Variants in SIPA1L1 observed in about 807,000 individuals in gnomAD.
SIPA1L1 encodes the protein signal induced proliferation associated 1 like 1.
In SIPA1L1, 26 loss-of-function variants were observed where a neutral mutation model predicts 162.7. That is an observed-to-expected ratio of 0.16 (90% CI 0.12 to 0.22). The LOEUF (loss-of-function observed/expected upper bound fraction) is 0.22. Ranked by LOEUF, SIPA1L1 falls within the 10% of genes least tolerant of loss-of-function variation. The probability of loss-of-function intolerance (pLI) is 1.00; values close to 1 mark genes in which losing one functional copy is unlikely to be tolerated. For synonymous variants in SIPA1L1, 829 were observed against 837.4 expected (o/e 0.99, Z 0.17); for missense variants, 1,874 against 2,241.0 (o/e 0.84, Z 3.31).
chr14:71,534,723 C>G (rs2053742343), intron 4 of SIPA1L1, among the ~76,000 whole-genome samples: 1 of 152,160 alleles, frequency 6.6e-6, no homozygotes, highest in Non-Finnish European at 1.5e-5. Flanking sequence ...ATTTGGCTCC[C>G]TCCCTAAATT....
At chr14:71,623,055 C>A (rs2039612646) in intron 6 of SIPA1L1, among the ~76,000 whole-genome samples, 1 of 152,210 alleles carries the variant, frequency 6.6e-6, no homozygotes, top group South Asian at 2.1e-4. Flanking sequence ...TAAAACCCCT[C>A]CTTTCAGTGG....
intron 4 of SIPA1L1, among the ~76,000 whole-genome samples, chr14:71,529,993 G>T (rs919845547): frequency 2.0e-5 from 3 of 152,196 alleles, no homozygotes; most frequent in African/African-American, 7.2e-5. Context: ...CACACAGGGT[G>T]GAGGACGGAG....
intron 3 of SIPA1L1, among the ~76,000 whole-genome samples, chr14:71,525,362 T>A (rs906138956): frequency 6.6e-6 from 1 of 152,142 alleles, no homozygotes; most frequent in Non-Finnish European, 1.5e-5. Context: ...TTTGTGTGTT[T>A]TTAATAGAGA....
chr14:71,513,030 A>G (rs1377360746), intron 3 of SIPA1L1, among the ~76,000 whole-genome samples, 185 bp downstream of exon 3: 2 of 152,252 alleles, frequency 1.3e-5, no homozygotes, highest in South Asian at 2.1e-4. Context: ...TATACCTCAC[A>G]TATACTGACT....
At chr14:71,687,578 G>A (rs2080961386) in intron 13 of SIPA1L1, among the ~76,000 whole-genome samples, 1 of 152,162 alleles carries the variant, frequency 6.6e-6, no homozygotes, top group African/African-American at 2.4e-5. Flanking sequence ...TTCTGCAACA[G>A]AAACTAAAGC....
intron 2 of SIPA1L1, among the ~76,000 whole-genome samples, chr14:71,444,554 T>C (rs563326014): frequency 6.6e-6 from 1 of 152,182 alleles, no homozygotes; most frequent in African/African-American, 2.4e-5. Context: ...GTTCCCAGAT[T>C]GGCATTTCTT....
At chr14:71,594,015 G>T (rs2035738251) in intron 5 of SIPA1L1, among the ~76,000 whole-genome samples, 1 of 152,094 alleles carries the variant, frequency 6.6e-6, no homozygotes, top group South Asian at 2.1e-4. Flanking sequence ...AATATTCTTT[G>T]GATAACTGTA....
chr14:71,353,325 A>G (rs565347138), intron 2 of SIPA1L1, among the ~76,000 whole-genome samples: 1 of 152,338 alleles, frequency 6.6e-6, no homozygotes, highest in African/African-American at 2.4e-5. Flanking sequence ...AAGTAAGGTC[A>G]CTAATCATAC....
intron 10 of SIPA1L1, among the ~76,000 whole-genome samples, chr14:71,669,669 A>G (rs1032782223): frequency 6.6e-6 from 1 of 152,182 alleles, no homozygotes; most frequent in African/African-American, 2.4e-5. Context: ...ATATTGGTAT[A>G]ATTAAGCCAT....
At chr14:71,408,727 A>C (rs1046621875) in intron 2 of SIPA1L1, among the ~76,000 whole-genome samples, 1 of 152,182 alleles carries the variant, frequency 6.6e-6, no homozygotes, top group South Asian at 2.1e-4. Context: ...GTACAGTAGG[A>C]ATCTCTTCCT....
chr14:71,588,796 G>C lies in SIPA1L1; in HGVS notation c.924G>C (p.Gly308=). 6.2e-7 allele frequency: 1 copy of C among 1,614,102 alleles called. No homozygotes were observed. The highest frequency in any genetic ancestry group is 8.5e-7 in the Non-Finnish European group (1 of 1,179,984). ...KLRNAKGEEL[G]KSSDLEDNRS... ...GCAATGCCAAAGGTGAAGAACTTGG[G>C]AAGTCATCAGATCTTGAAGATAACC... is the stretch of plus-strand genomic sequence containing the variant. The change falls in exon 5 of 24, where the codon GGG becomes GGC. Residue 308 remains glycine, a synonymous_variant. Transcript: ENST00000381232. The surrounding 1 kb of genome is among the most constrained non-coding windows in gnomAD (Gnocchi z 4.3).
At chr14:71,706,600 A>G (rs2082454713) in intron 16 of SIPA1L1, among the ~76,000 whole-genome samples, 1 of 152,338 alleles carries the variant, frequency 6.6e-6, no homozygotes. Context: ...GTCTGGAGCT[A>G]AAGAAGTTCT....
intron 5 of SIPA1L1, among the ~76,000 whole-genome samples, chr14:71,617,800 A>G (rs1376778285): frequency 6.6e-6 from 1 of 152,242 alleles, no homozygotes; most frequent in African/African-American, 2.4e-5. Flanking sequence ...ATAATGTATA[A>G]ATGAAATACA....
chr14:71,651,866 A>G lies in SIPA1L1; in HGVS notation c.1993+1357A>G, dbSNP rs74060386. On this transcript the variant is annotated intron_variant, in intron 8 of 23. Transcript: ENST00000381232. ...TACACAAAATAAGCACTTTGTGCAC[A>G]GTTTGTCCAATTATCCCAACAACTG... 6.1e-3 allele frequency among the ~76,000 whole-genome samples: 933 copies of G among 152,348 alleles called. 13 individuals carry two copies. The highest frequency in any genetic ancestry group is 0.022 in the African/African-American group (901 of 41,580).
At chr14:71,361,716 G>A (rs530677136) in intron 2 of SIPA1L1, among the ~76,000 whole-genome samples, 34 of 152,112 alleles carry the variant, frequency 2.2e-4, no homozygotes, top group Non-Finnish European at 4.9e-4. Context: ...TTTAGGAACT[G>A]GACAGTAGCT....
intron 2 of SIPA1L1, among the ~76,000 whole-genome samples, chr14:71,347,131 T>C (rs1251636934): frequency 6.6e-6 from 1 of 151,252 alleles, no homozygotes; most frequent in Non-Finnish European, 1.5e-5. Flanking sequence ...TTTTTTTTTT[T>C]CGTATTTTTA....
intron 2 of SIPA1L1, among the ~76,000 whole-genome samples, chr14:71,344,970 A>G (rs578010039): frequency 2.8e-4 from 43 of 152,304 alleles, no homozygotes; most frequent in African/African-American, 9.9e-4. Context: ...GGATTTGTAA[A>G]ATAAATGTCA....
chr14:71,459,538 G>A (rs111982132), intron 2 of SIPA1L1, among the ~76,000 whole-genome samples: 3,272 of 152,172 alleles, frequency 0.022, 118 homozygotes, highest in African/African-American at 0.074. Context: ...CTGTCTGCAA[G>A]CTTGAAGGAG....
In SIPA1L1 at chr14:71,367,400, G is replaced by A. The variant is rs1450771569; in HGVS notation, c.-465+46219G>A. Reference sequence around the variant, plus strand: ...CTGCTCACTGTAAACTCCGCCTCCCGGGTTTCTGCCATTCTCCTGCCTCAG... The same window carrying A: ...CTGCTCACTGTAAACTCCGCCTCCCAGGTTTCTGCCATTCTCCTGCCTCAG... On this transcript the variant is annotated intron_variant, in intron 2 of 23. Coordinates refer to ENST00000381232, the MANE Select transcript of SIPA1L1 (RefSeq NM_001386936.1). Among the ~76,000 whole-genome samples, 3 of 150,556 alleles carry A rather than the reference G, an allele frequency of 2.0e-5. No homozygotes were observed. In the East Asian group the frequency reaches 5.8e-4, roughly 29 times the overall value.
Sources: allele counts gnomAD v4.1 joint callset (sites outside exome capture counted in the v4.1 genomes callset), GRCh38; gene constraint gnomAD v4.1.1; non-coding constraint Gnocchi (gnomAD v3.1); transcripts MANE v1.5; gene names NCBI Gene and HGNC (gene_info 2026-07-23, HGNC 2026-07-21).